NFKB1: variants seen among roughly 807,000 people sequenced by gnomAD.
NFKB1 encodes the protein nuclear factor kappa B subunit 1.
In NFKB1, 9 loss-of-function variants were observed where a neutral mutation model predicts 105.1. The ratio of observed to expected loss-of-function variants is 0.09; its 90% CI spans 0.05 to 0.15. The LOEUF is 0.15. Ranked by LOEUF, NFKB1 falls within the 10% of genes least tolerant of loss-of-function variation. The pLI is 1.00. For missense variants in NFKB1, 830 were observed against 1,203.7 expected, an observed-to-expected ratio of 0.69 and a Z score of 4.59; for synonymous variants, 440 against 442.2, an observed-to-expected ratio of 1.00 and a Z score of 0.06.
Position 102,610,632 on chromosome 4 carries a change from A to G in NFKB1, c.2285A>G (p.Glu762Gly), listed in dbSNP as rs1728314114. 1 of 1,613,892 alleles carries G rather than the reference A, an allele frequency of 6.2e-7. No individual in the cohort carries two copies. Among genetic ancestry groups the G allele is most frequent in the Admixed American group, 1.7e-5 (1 of 59,986 alleles). Residue 762 changes from glutamate (E) to glycine (G), a missense_variant, in exon 20 of 24, where the codon GAA becomes GGA. Physicochemically the swap from Glu to Gly is moderately conservative, Grantham distance 98. This residue lies in a region of NFKB1 where 418 missense variants were observed against 575.3 expected (regional missense o/e 0.73). Coordinates refer to ENST00000226574, the MANE Select transcript of NFKB1 (RefSeq NM_003998.4). ...EPLYDLDDSW[E>G]NAGEDEGVVP... The stretch of plus-strand genomic sequence containing the variant: ...CTCTATGACCTGGATGACTCTTGGG[A>G]AAATGCAGGAGAGGATGAAGGAGTT...
chr4:102,542,753 T>A (rs1385211578), intron 5 of NFKB1, among the ~76,000 whole-genome samples: 2 of 152,222 alleles, frequency 1.3e-5, no homozygotes, highest in Non-Finnish European at 2.9e-5. Flanking sequence ...AGGGCAAACA[T>A]AGGTTCAAAC....
intron 9 of NFKB1, 73 bp downstream of exon 9, chr4:102,580,712 A>C (rs1277401870): frequency 1.6e-6 from 2 of 1,246,812 alleles, no homozygotes; most frequent in African/African-American, 3.0e-5. Context: ...TGTGTCTGTG[A>C]GTCACATTTC....
intron 16 of NFKB1, among the ~76,000 whole-genome samples, chr4:102,603,559 T>G (rs896505155): frequency 3.9e-5 from 6 of 152,294 alleles, no homozygotes; most frequent in African/African-American, 1.4e-4. Context: ...ACCAGTCTGA[T>G]TAATGGGCAG....
chr4:102,525,555 C>G lies in NFKB1; in HGVS notation c.37C>G (p.Gln13Glu), dbSNP rs1490669735. The G allele has an allele frequency of 1.2e-6, 2 of 1,612,302 alleles. No individual in the cohort carries two copies. The highest frequency in any genetic ancestry group is 1.7e-6 in the Non-Finnish European group (2 of 1,178,796). Residue 13 changes from glutamine (Q) to glutamate (E), a missense_variant and splice_region_variant, in exon 2 of 24, where the codon CAA becomes GAA. Gln to Glu is a conservative substitution (Grantham distance 29). Around this residue, in one of 8 missense-constraint regions of NFKB1, gnomAD observed 46 missense variants for 48.3 expected, o/e 0.95. Transcript: ENST00000226574. ...EDDPYLGRPE[Q>E]MFHLDPSLTH... ...TGATCCATATTTGGGAAGGCCTGAA[C>G]AAGTAAGTGTCATAATCTCACTGAT...
At chr4:102,607,432 G>GTT (rs1727876503) in intron 18 of NFKB1, 113 bp downstream of exon 18, 2 of 1,268,948 alleles carry the variant, frequency 1.6e-6, no homozygotes, top group East Asian at 4.7e-5. Context: ...AGCTCTATTT[G>GTT]TTTAACATTT....
rs370790173 is a variant in NFKB1 at position 102,551,367 on chromosome 4, T to TGTGCGCGCGC, written c.258+13412_258+13413insTGCGCGCGCG. On this transcript the variant is annotated intron_variant, in intron 5 of 23. Transcript: ENST00000226574. ...AAATTGGTGTGTGTGTGTGTGTGTG[T>TGTGCGCGCGC]GCGCGCGCGCATGTGTGTGTGTGTG... Among the ~76,000 whole-genome samples the TGTGCGCGCGC allele has an allele frequency of 1.7e-4, 26 of 150,204 alleles. 1 individual carries two copies. Among genetic ancestry groups the TGTGCGCGCGC allele is most frequent in the East Asian group, 1.6e-3 (8 of 5,000 alleles).
At chr4:102,573,062 A>G (rs1185440607) in intron 6 of NFKB1, among the ~76,000 whole-genome samples, 1 of 152,156 alleles carries the variant, frequency 6.6e-6, no homozygotes, top group Non-Finnish European at 1.5e-5. Context: ...AAATCCCAGC[A>G]CTTTGGAAGG....
At chr4:102,546,567 C>A (rs778873579) in intron 5 of NFKB1, among the ~76,000 whole-genome samples, 1 of 152,036 alleles carries the variant, frequency 6.6e-6, no homozygotes, top group Non-Finnish European at 1.5e-5. Flanking sequence ...ACTGGGGCGC[C>A]GTAAGACAAA....
chr4:102,598,049 A>G (rs749000571), intron 15 of NFKB1, among the ~76,000 whole-genome samples: 1 of 152,226 alleles, frequency 6.6e-6, no homozygotes, highest in Non-Finnish European at 1.5e-5. Context: ...CAGTGTACTC[A>G]AGAAAAAGCC....
chr4:102,561,289 G>GTA (rs1723422921), intron 5 of NFKB1, among the ~76,000 whole-genome samples: 1 of 134,300 alleles, frequency 7.4e-6, no homozygotes, highest in African/African-American at 2.9e-5. Context: ...TTTTGTGTGT[G>GTA]TGTGTGTGCC....
intron 1 of NFKB1, among the ~76,000 whole-genome samples, chr4:102,506,242 C>G (rs1273801981): frequency 6.6e-6 from 1 of 152,130 alleles, no homozygotes; most frequent in Non-Finnish European, 1.5e-5. Context: ...TCCATTGAAA[C>G]TGTAATATCA....
chr4:102,522,220 A>G (rs1457205601), intron 1 of NFKB1, among the ~76,000 whole-genome samples: 2 of 152,242 alleles, frequency 1.3e-5, no homozygotes, highest in Non-Finnish European at 1.5e-5. Context: ...TGCAAATATT[A>G]CTTAGTGATT....
In NFKB1 at chr4:102,607,265, G is replaced by T. The variant is rs1727851441; in HGVS notation, c.2070G>T (p.Leu690=). The T allele has an allele frequency of 6.2e-7, 1 of 1,614,124 alleles. No homozygotes were observed. Among genetic ancestry groups the T allele is most frequent in the Non-Finnish European group, 8.5e-7 (1 of 1,180,054 alleles). The change falls in exon 18 of 24, where the codon CTG becomes CTT. Residue 690 remains leucine, a synonymous_variant. Transcript: ENST00000226574. ...AGCAGAAGTCCGGGCGCACAGCACT[G>T]CACCTGGCTGTGGAGCACGACAACA... is the stretch of plus-strand genomic sequence containing the variant. ...AQEQKSGRTA[L]HLAVEHDNIS...
chr4:102,504,087 A>G (rs1395166754), intron 1 of NFKB1, among the ~76,000 whole-genome samples: 3 of 152,200 alleles, frequency 2.0e-5, no homozygotes, highest in Non-Finnish European at 4.4e-5. Context: ...GGAAGTGGTT[A>G]CTTCATAACC....
Position 102,594,962 on chromosome 4 carries a change from T to C in NFKB1, c.1281T>C (p.Ser427=), listed in dbSNP as rs146311906. 9.9e-6 allele frequency: 16 copies of C among 1,608,528 alleles called. No individual in the cohort carries two copies. In the African/African-American group the frequency reaches 2.0e-4, roughly 20 times the overall value. Reference sequence around the variant, plus strand: ...CTTTCCATCCTGGAACTACTAAATCTAATGCTGGGATGAAGCATGGTAAGT... The same window carrying C: ...CTTTCCATCCTGGAACTACTAAATCCAATGCTGGGATGAAGCATGGTAAGT... ...GITFHPGTTK[S]NAGMKHGTMD... is the part of the protein sequence containing the mutation. The change falls in exon 13 of 24, where the codon TCT becomes TCC. Residue 427 remains serine, a synonymous_variant. Coordinates refer to ENST00000226574, the MANE Select transcript of NFKB1 (RefSeq NM_003998.4).
intron 14 of NFKB1, 22 bp downstream of exon 14, chr4:102,596,354 G>A (rs373621625): frequency 2.9e-5 from 46 of 1,571,984 alleles, no homozygotes; most frequent in Admixed American, 8.8e-5. Context: ...CACAAATTAC[G>A]TTCTGTTGGT....
At chr4:102,519,541 A>ATGAAG (rs1740433973) in intron 1 of NFKB1, among the ~76,000 whole-genome samples, 1 of 151,792 alleles carries the variant, frequency 6.6e-6, no homozygotes, top group African/African-American at 2.4e-5. Flanking sequence ...ATTGTTTGGT[A>ATGAAG]TTTTTATCTT....
At chr4:102,554,715 G>A (rs1009005335) in intron 5 of NFKB1, among the ~76,000 whole-genome samples, 1 of 152,254 alleles carries the variant, frequency 6.6e-6, no homozygotes, top group Non-Finnish European at 1.5e-5. Flanking sequence ...CTGTCTTGCG[G>A]AGTCTCCCTG....
intron 17 of NFKB1, among the ~76,000 whole-genome samples, chr4:102,606,942 C>T (rs1282736747): frequency 6.6e-6 from 1 of 152,166 alleles, no homozygotes; most frequent in Admixed American, 6.5e-5. Context: ...GTACACAAAG[C>T]GTCGTTTATT....
Sources: gnomAD v4.1 joint callset for allele counts (sites outside exome capture counted in the v4.1 genomes callset) on GRCh38, gnomAD v4.1.1 for gene constraint, gnomAD v4.1.1 regional missense constraint, MANE v1.5 for transcripts, NCBI Gene and HGNC (gene_info 2026-07-23, HGNC 2026-07-21) for gene names.